The following ROCK1 variants were observed in gnomAD, a reference collection of about 807,000 sequenced individuals.
ROCK1 encodes the protein rho-associated protein kinase 1.
A neutral mutation model predicts 196.8 loss-of-function variants in ROCK1; 36 were observed. The ratio of observed to expected loss-of-function variants is 0.18; its 90% CI spans 0.14 to 0.24. The LOEUF is 0.24. Ranked by LOEUF, ROCK1 falls within the 10% of genes least tolerant of loss-of-function variation. The pLI is 1.00. For missense variants in ROCK1, 920 were observed against 1,562.0 expected (o/e 0.59, Z 6.93); for synonymous variants, 443 against 515.9 (o/e 0.86, Z 1.91).
At chr18:21,100,398 C>T (rs199825840) in intron 1 of ROCK1, among the ~76,000 whole-genome samples, 1 of 123,090 alleles carries the variant, frequency 8.1e-6, no homozygotes, top group Non-Finnish European at 1.7e-5. Flanking sequence ...CTTACTGCAG[C>T]AAAAAAAAAA....
At chr18:21,015,281 T>C (rs1405928440) in intron 13 of ROCK1, 150 bp downstream of exon 13, 2 of 659,122 alleles carry the variant, frequency 3.0e-6, no homozygotes, top group Non-Finnish European at 5.5e-6. Context: ...CACTTGAAAC[T>C]GCAGTTCCAA....
rs1294148497 is a variant in ROCK1, at chr18:21,039,484, T to C, written c.1039A>G (p.Thr347Ala). Residue 347 changes from threonine (T) to alanine (A), a missense_variant, in exon 9 of 33, where the codon ACG becomes GCG. Transcript: ENST00000399799. ...AAAAAAAACTTACTGTCTCGGAGCG[T>C]TTCCCAAGCCCACTGGTCATTTTTG... is the stretch of plus-strand genomic sequence containing the variant. ...FFKNDQWAWE[T>A]LRDTVAPVVP... is the part of the protein sequence containing the mutation. 2 of 1,613,274 alleles carry C rather than the reference T, an allele frequency of 1.2e-6. No homozygotes were observed. The highest frequency in any genetic ancestry group is 1.1e-5 in the South Asian group (1 of 91,020).
intron 9 of ROCK1, among the ~76,000 whole-genome samples, chr18:21,030,057 G>A (rs2035993032): frequency 6.6e-6 from 1 of 152,120 alleles, no homozygotes; most frequent in African/African-American, 2.4e-5. Flanking sequence ...TTAGCCAAAT[G>A]AAGCTGTAGT....
At chr18:21,110,639 G>A (rs551955165) in intron 1 of ROCK1, among the ~76,000 whole-genome samples, 179 bp downstream of exon 1, 1 of 152,260 alleles carries the variant, frequency 6.6e-6, no homozygotes, top group African/African-American at 2.4e-5. Flanking sequence ...CAGTCAAATG[G>A]CAAATAGGAC....
intron 2 of ROCK1, among the ~76,000 whole-genome samples, chr18:21,068,311 C>T (rs2036354905): frequency 6.6e-6 from 1 of 152,168 alleles, no homozygotes; most frequent in Non-Finnish European, 1.5e-5. Context: ...TAACCATATA[C>T]TTGCATGCAC....
intron 22 of ROCK1, among the ~76,000 whole-genome samples, chr18:20,971,607 T>C (rs1406323710): frequency 4.0e-5 from 6 of 151,224 alleles, no homozygotes; most frequent in Non-Finnish European, 7.4e-5. Context: ...TGTGGTGGTG[T>C]GTGCCTGTAA....
At chr18:21,034,056 A>C (rs1432182437) in intron 9 of ROCK1, among the ~76,000 whole-genome samples, 1 of 150,986 alleles carries the variant, frequency 6.6e-6, no homozygotes, top group Non-Finnish European at 1.5e-5. Flanking sequence ...AAAAATGAAA[A>C]AAAAAGTCAA....
rs147334168 is a variant in ROCK1 at position 20,998,204 on chromosome 18, G to A, written c.1886-5267C>T. Among the ~76,000 whole-genome samples, 123 of 151,972 alleles carry A rather than the reference G, an allele frequency of 8.1e-4. 1 individual carries two copies. Among genetic ancestry groups the A allele is most frequent in the African/African-American group, 2.8e-3 (118 of 41,466 alleles). ...AAGAATATGCTCCTGAATGACCAGC[G>A]GATTGATGAAGAAATTAAGAAGAAA... On this transcript the variant is annotated intron_variant, in intron 16 of 32. Coordinates refer to ENST00000399799, the MANE Select transcript of ROCK1 (RefSeq NM_005406.3).
intron 9 of ROCK1, among the ~76,000 whole-genome samples, chr18:21,038,550 T>C (rs2036077124): frequency 6.6e-6 from 1 of 152,202 alleles, no homozygotes; most frequent in South Asian, 2.1e-4. Context: ...ATTTATTTCA[T>C]CAGAATTAAC....
chr18:21,054,370 G>A (rs1157107426), intron 2 of ROCK1, among the ~76,000 whole-genome samples: 1 of 151,952 alleles, frequency 6.6e-6, no homozygotes, highest in Admixed American at 6.6e-5. Flanking sequence ...TAGTTCATGA[G>A]CCACAGTGGT....
chr18:20,951,784 T>C (rs1450181257), intron 32 of ROCK1, among the ~76,000 whole-genome samples: 2 of 152,170 alleles, frequency 1.3e-5, no homozygotes, highest in African/African-American at 2.4e-5. Flanking sequence ...ACAAAAGGGA[T>C]GAATTCAAGA....
At chr18:21,075,772 G>C (rs746088698) in intron 1 of ROCK1, among the ~76,000 whole-genome samples, 5 of 151,898 alleles carry the variant, frequency 3.3e-5, no homozygotes, top group African/African-American at 7.3e-5. Flanking sequence ...GACCAACATG[G>C]AGAAACCCCT....
chr18:20,953,268 G>A, intron 32 of ROCK1: 1 of 217,298 alleles, frequency 4.6e-6, no homozygotes, highest in South Asian at 9.6e-5. Context: ...ATGATGAAAA[G>A]TTTTATATGA....
chr18:21,034,108 G>T (rs1250033752), intron 9 of ROCK1, among the ~76,000 whole-genome samples: 2 of 151,414 alleles, frequency 1.3e-5, no homozygotes, highest in Admixed American at 6.6e-5. Context: ...GAGGTGTAAG[G>T]CTTATGCACC....
chr18:21,068,787 T>C (rs914465485), intron 2 of ROCK1, among the ~76,000 whole-genome samples: 4 of 152,206 alleles, frequency 2.6e-5, no homozygotes, highest in Non-Finnish European at 5.9e-5. Flanking sequence ...AATAAATGTA[T>C]GTGCAACTGC....
intron 18 of ROCK1, among the ~76,000 whole-genome samples, chr18:20,990,008 C>T (rs1303026253): frequency 4.0e-5 from 6 of 151,772 alleles, no homozygotes; most frequent in Non-Finnish European, 7.4e-5. Context: ...TTTGGGAGGC[C>T]GAGGTGGAAG....
intron 1 of ROCK1, among the ~76,000 whole-genome samples, chr18:21,104,509 A>C (rs1245317464): frequency 6.6e-6 from 1 of 152,212 alleles, no homozygotes; most frequent in Non-Finnish European, 1.5e-5. Context: ...AGGCAGGAGA[A>C]TGGCGTGAAC....
At chr18:20,953,367 C>T (rs2035208818) in intron 32 of ROCK1, 3 of 400,200 alleles carry the variant, frequency 7.5e-6, no homozygotes, top group South Asian at 6.9e-5. Context: ...AAATTAGACA[C>T]AGAACTAAAT....
chr18:21,018,373 T>C (rs2035882918), intron 12 of ROCK1, among the ~76,000 whole-genome samples: 2 of 151,748 alleles, frequency 1.3e-5, no homozygotes, highest in South Asian at 4.2e-4. Context: ...CTACTAAAAA[T>C]ACCAAAACTA....
Sources: gnomAD v4.1 joint callset for allele counts (sites outside exome capture counted in the v4.1 genomes callset) on GRCh38, gnomAD v4.1.1 for gene constraint, MANE v1.5 for transcripts, NCBI Gene and HGNC (gene_info 2026-07-23, HGNC 2026-07-21) for gene names.